MKX: variants seen among roughly 807,000 people sequenced by gnomAD.
The protein encoded by MKX is mohawk homeobox, also known as homeobox protein Mohawk.
MKX carries 13 observed loss-of-function variants against 36.0 expected under a neutral mutation model. The observed-to-expected ratio is 0.36, with a 90% CI of 0.24 to 0.57. The LOEUF is 0.57. MKX is among the 20% of genes least tolerant of loss of function. The pLI, the probability that MKX is intolerant of heterozygous loss-of-function variation, is 0.79. For synonymous variants in MKX, 176 were observed against 178.3 expected (o/e 0.99, Z 0.10); for missense variants, 458 against 456.4 (o/e 1.00, Z -0.03).
rs3063184 is a variant in MKX at position 27,744,711 on chromosome 10, T to TAC, written c.-83+994_-83+995dup. ...CTCCACTAACACACGCGCGCGCGCA[T>TAC]ACACACACACACACACACACACACA... On this transcript the variant is annotated intron_variant, in intron 1 of 6. Transcript: ENST00000419761. The surrounding 1 kb of genome is among the most constrained non-coding windows in gnomAD (Gnocchi z 5.6). 0.23 allele frequency: 32,608 copies of TAC among 142,256 alleles called. 3,443 individuals carry two copies. Among genetic ancestry groups the TAC allele is most frequent in the Middle Eastern group, 0.25 (68 of 276 alleles). The allele number at this position is 142,256 out of a possible 1,614,324, so 8.8% of individuals were successfully genotyped here.
In MKX at chr10:27,682,523, C is replaced by A. The variant is rs373255808; in HGVS notation, c.839-6969G>T. On this transcript the variant is annotated intron_variant, in intron 5 of 6. Coordinates refer to ENST00000419761, the MANE Select transcript of MKX (RefSeq NM_173576.3). ...AGCTCTGTTCATGGTAAGTGCCTTA[C>A]ACAAGTGCATCATTTTTTATTTTTT... 5.9e-5 allele frequency among the ~76,000 whole-genome samples: 9 copies of A among 152,294 alleles called. No individual in the cohort carries two copies. In the East Asian group the frequency reaches 1.4e-3, roughly 23 times the overall value.
chr10:27,694,540 A>ATATATATG (rs1836516823), intron 5 of MKX, among the ~76,000 whole-genome samples: 1 of 143,596 alleles, frequency 7.0e-6, no homozygotes, highest in Non-Finnish European at 1.5e-5. Context: ...ATATATATAT[A>ATATATATG]TATAAATTAG....
At chr10:27,726,714 AT>A (rs3063191) in intron 5 of MKX, among the ~76,000 whole-genome samples, 1 of 144,516 alleles carries the variant, frequency 6.9e-6, no homozygotes. Flanking sequence ...TCATTGTTTA[AT>A]TTTTTTTTTT....
At position 27,735,342 on chromosome 10, in the gene MKX, C is replaced by T. The variant is rs776528222; in HGVS notation, c.381G>A (p.Arg127=). The change falls in exon 4 of 7, where the codon CGG becomes CGA. Residue 127 remains arginine (R), a synonymous_variant. Coordinates refer to ENST00000419761, the MANE Select transcript of MKX (RefSeq NM_173576.3). ...CTGGCTGTCGAACGGTATTCTTAAG[C>T]CGACGTCTTGCATTAGCAAACCAAT... ...VSNWFANARR[R]LKNTVRQPDL... The T allele has an allele frequency of 1.9e-6, 3 of 1,613,166 alleles. No homozygotes were observed. The highest frequency in any genetic ancestry group is 2.5e-6 in the Non-Finnish European group (3 of 1,179,790).
At chr10:27,727,488 C>G (rs191695567) in intron 5 of MKX, among the ~76,000 whole-genome samples, 2 of 152,356 alleles carry the variant, frequency 1.3e-5, no homozygotes, top group East Asian at 3.9e-4. Context: ...AATTTTCAAA[C>G]ATCAAATTAA....
In MKX at chr10:27,742,754, G is replaced by C. The variant is rs1481543227; in HGVS notation, c.188+474C>G. ...CTCCCTGGCGGGAGGCGACCTTCCC[G>C]ACTCCTTGGGCCAGGCGAGCCGCGG... On this transcript the variant is annotated intron_variant, in intron 2 of 6. Transcript: ENST00000419761. This position sits in a 1 kb window ranked among gnomAD's most constrained non-coding sequence, Gnocchi z 4.2. Among the ~76,000 whole-genome samples, 1 of 151,976 alleles carries C rather than the reference G, an allele frequency of 6.6e-6. No individual in the cohort carries two copies. The highest frequency in any genetic ancestry group is 2.0e-4 in the East Asian group (1 of 5,114).
chr10:27,693,508 G>C (rs1167468391), intron 5 of MKX, among the ~76,000 whole-genome samples: 4 of 152,010 alleles, frequency 2.6e-5, no homozygotes, highest in Non-Finnish European at 4.4e-5. Flanking sequence ...GAAAAGGCAA[G>C]AACAAGTATA....
At chr10:27,692,148 A>T (rs1357870331) in intron 5 of MKX, among the ~76,000 whole-genome samples, 1 of 152,226 alleles carries the variant, frequency 6.6e-6, no homozygotes, top group Non-Finnish European at 1.5e-5. Context: ...TGAATAGCAG[A>T]TATAACACTT....
rs11015968 is a variant in MKX at position 27,719,822 on chromosome 10, C to A, written c.838+14634G>T. Among the ~76,000 whole-genome samples, 2,313 of 151,308 alleles carry A rather than the reference C, an allele frequency of 0.015. 143 individuals are homozygous for A. In the East Asian group the frequency reaches 0.19, roughly 13 times the overall value. On this transcript the variant is annotated intron_variant, in intron 5 of 6. Coordinates refer to ENST00000419761, the MANE Select transcript of MKX (RefSeq NM_173576.3). ...CAACATAGTAAGACTCCCATCTCAA[C>A]AAAAAAAATTTTAAAATTAGCTGGG...
At chr10:27,691,306 T>G (rs568807489) in intron 5 of MKX, among the ~76,000 whole-genome samples, 1 of 152,266 alleles carries the variant, frequency 6.6e-6, no homozygotes, top group East Asian at 1.9e-4. Flanking sequence ...AACAAGCTCC[T>G]CAGGTGTTCC....
At chr10:27,684,878 G>A (rs191600598) in intron 5 of MKX, among the ~76,000 whole-genome samples, 5 of 152,322 alleles carry the variant, frequency 3.3e-5, no homozygotes, top group East Asian at 1.9e-4. Flanking sequence ...CAAGAAGTGC[G>A]CAACCCTTGT....
intron 5 of MKX, among the ~76,000 whole-genome samples, chr10:27,703,003 C>T (rs1313736088): frequency 6.6e-6 from 1 of 152,104 alleles, no homozygotes; most frequent in African/African-American, 2.4e-5. Context: ...CGAAAAGCTT[C>T]AGGTTTGGAA....
chr10:27,700,338 C>T (rs1836628700), intron 5 of MKX, among the ~76,000 whole-genome samples: 2 of 152,136 alleles, frequency 1.3e-5, no homozygotes, highest in South Asian at 4.1e-4. Context: ...AACAAAATAA[C>T]TTTCCATCAA....
chr10:27,707,260 T>TA (rs565131516), intron 5 of MKX, among the ~76,000 whole-genome samples: 2 of 147,576 alleles, frequency 1.4e-5, no homozygotes, highest in African/African-American at 4.9e-5. Context: ...CTTTCCTACA[T>TA]AAAAAAAATT....
intron 5 of MKX, among the ~76,000 whole-genome samples, chr10:27,715,197 G>A (rs115713818): frequency 9.9e-4 from 74 of 74,458 alleles, no homozygotes; most frequent in African/African-American, 2.3e-3. Flanking sequence ...ATTGCTGCAG[G>A]CAGACGCTTG....
At chr10:27,723,741 C>T (rs1250202433) in intron 5 of MKX, among the ~76,000 whole-genome samples, 1 of 152,206 alleles carries the variant, frequency 6.6e-6, no homozygotes, top group Admixed American at 6.5e-5. Flanking sequence ...CTGTTGTCTA[C>T]ATCAGTGTAG....
rs971319895 is a variant in MKX, at chr10:27,682,570, T to G, written c.839-7016A>C. 2.0e-5 allele frequency among the ~76,000 whole-genome samples: 3 copies of G among 152,348 alleles called. No homozygotes were observed. The South Asian group carries it at 6.2e-4, about 32-fold the overall frequency. ...TTTTACTAGCGGTCCTCAACCTTTT[T>G]GGCACCAGGGCCTGGTTTTGTGGAA... On this transcript the variant is annotated intron_variant, in intron 5 of 6. Transcript: ENST00000419761.
intron 5 of MKX, among the ~76,000 whole-genome samples, chr10:27,733,377 T>C (rs748355530): frequency 9.2e-5 from 14 of 152,234 alleles, no homozygotes; most frequent in Non-Finnish European, 1.3e-4. Flanking sequence ...CTTGATATTA[T>C]GAAGAAAAGA....
chr10:27,682,171 A>G (rs1484699463), intron 5 of MKX, among the ~76,000 whole-genome samples: 5 of 152,188 alleles, frequency 3.3e-5, no homozygotes, highest in Non-Finnish European at 7.3e-5. Flanking sequence ...GTAAAAATAA[A>G]AAATGAAAAA....
Sources: gnomAD v4.1 joint callset for allele counts (sites outside exome capture counted in the v4.1 genomes callset) on GRCh38, gnomAD v4.1.1 for gene constraint, Gnocchi (gnomAD v3.1) non-coding constraint, MANE v1.5 for transcripts, NCBI Gene and HGNC (gene_info 2026-07-23, HGNC 2026-07-21) for gene names.